CDS2: variants seen among roughly 807,000 people sequenced by gnomAD.
CDS2 encodes phosphatidate cytidylyltransferase 2.
A neutral mutation model predicts 59.0 loss-of-function variants in CDS2; 47 were observed. The observed-to-expected ratio is 0.80, with a 90% CI of 0.63 to 1.02. CDS2 has a LOEUF of 1.02. Ranked by LOEUF, CDS2 falls within the 50% of genes least tolerant of loss-of-function variation. The pLI is 0.00. For synonymous variants in CDS2, 207 were observed against 206.4 expected (o/e 1.00, Z -0.02); for missense variants, 356 against 558.9 (o/e 0.64, Z 3.66).
intron 1 of CDS2, among the ~76,000 whole-genome samples, chr20:5,165,527 C>T (rs560526129): frequency 2.2e-3 from 324 of 149,802 alleles, no homozygotes; most frequent in Non-Finnish European, 3.7e-3. Flanking sequence ...GGAGACTATG[C>T]GGTGTGGGAA....
At chr20:5,144,620 T>C (rs2090724311) in intron 1 of CDS2, among the ~76,000 whole-genome samples, 1 of 152,204 alleles carries the variant, frequency 6.6e-6, no homozygotes, top group Non-Finnish European at 1.5e-5. Flanking sequence ...GTTCTTCCAG[T>C]GTTATTTGAA....
chr20:5,176,455 A>G, intron 3 of CDS2, 193 bp from the exon 4 acceptor site: 1 of 562,284 alleles, frequency 1.8e-6, no homozygotes, highest in South Asian at 2.4e-5. Flanking sequence ...AATTGGATCT[A>G]CTCCCTGTGA....
At chr20:5,164,925 C>T (rs2090902599) in intron 1 of CDS2, among the ~76,000 whole-genome samples, 1 of 152,182 alleles carries the variant, frequency 6.6e-6, no homozygotes, top group South Asian at 2.1e-4. Flanking sequence ...CTTCCTGCAG[C>T]TATTTCATAT....
chr20:5,127,062 C>A lies in CDS2; in HGVS notation c.-31C>A. The A allele has an allele frequency of 6.7e-7, 1 of 1,488,684 alleles. No homozygotes were observed. Among genetic ancestry groups the A allele is most frequent in the East Asian group, 3.0e-5 (1 of 33,188 alleles). 92.2% of individuals were successfully genotyped at this position (1,488,684 alleles called of 1,614,324 possible). ...CCTGCTCCGGCGGCTTCGCTGCTAG[C>A]TCGCGGCGACGTCGGGCCGATTTTC... is the stretch of plus-strand genomic sequence containing the variant. On this transcript the variant is annotated 5_prime_UTR_variant, in exon 1 of 13. Transcript: ENST00000460006.
rs2090839964 is a variant in CDS2 at position 5,157,140 on chromosome 20, G to T, written c.58-16383G>T. On this transcript the variant is annotated intron_variant, in intron 1 of 12. Coordinates refer to ENST00000460006, the MANE Select transcript of CDS2 (RefSeq NM_003818.4). Reference sequence around the variant, plus strand: ...AATGGTGGTACGCAAAGCAAGGATTGGTTGGATGCTACTGAGATGGCTGTG... The same window carrying T: ...AATGGTGGTACGCAAAGCAAGGATTTGTTGGATGCTACTGAGATGGCTGTG... Among the ~76,000 whole-genome samples, 4 of 152,326 alleles carry T rather than the reference G, an allele frequency of 2.6e-5. No homozygotes were observed. The South Asian group carries it at 8.3e-4, about 32-fold the overall frequency.
intron 1 of CDS2, 126 bp downstream of exon 1, chr20:5,127,275 C>A: frequency 1.1e-6 from 1 of 887,978 alleles, no homozygotes; most frequent in Non-Finnish European, 1.5e-6. Context: ...GCCCCGGGCC[C>A]GGGTAGCGCG....
At chr20:5,149,372 A>C (rs1010043159) in intron 1 of CDS2, among the ~76,000 whole-genome samples, 1 of 152,090 alleles carries the variant, frequency 6.6e-6, no homozygotes, top group Non-Finnish European at 1.5e-5. Context: ...TAAGGTTTTT[A>C]AATAGTTGAA....
chr20:5,129,740 C>CG (rs1397713900), intron 1 of CDS2, among the ~76,000 whole-genome samples: 2 of 148,222 alleles, frequency 1.3e-5, no homozygotes, highest in African/African-American at 5.1e-5. Context: ...CTGTACCTGG[C>CG]GTTTTTTTTT....
chr20:5,149,375 T>C (rs1225244615), intron 1 of CDS2, among the ~76,000 whole-genome samples: 1 of 152,236 alleles, frequency 6.6e-6, no homozygotes, highest in African/African-American at 2.4e-5. Flanking sequence ...GGTTTTTAAA[T>C]AGTTGAAGAA....
rs984524709 is a variant in CDS2, at chr20:5,188,932, A to G, written c.982-135A>G. 2.8e-6 allele frequency: 3 copies of G among 1,058,908 alleles called. No individual in the cohort carries two copies. In the African/African-American group the frequency reaches 4.7e-5, roughly 17 times the overall value. The allele number at this position is 1,058,908 out of a possible 1,614,324, so 65.6% of individuals were successfully genotyped here. A position where few individuals can be genotyped will look rare whatever the true frequency, so the allele number is the denominator to read the frequency against. ...CATTCATGAGGGATTTGCCCCTGTG[A>G]CCCAAACACCTCCCACTAGGCATCA... is the stretch of plus-strand genomic sequence containing the variant. On this transcript the variant is annotated intron_variant, in intron 10 of 12. Coordinates refer to ENST00000460006, the MANE Select transcript of CDS2 (RefSeq NM_003818.4).
In CDS2 at chr20:5,191,405, T is replaced by C. The variant is rs895278931; in HGVS notation, c.*1171T>C. The stretch of plus-strand genomic sequence containing the variant: ...GGACCTTTCGTTGTTGTTGTTTGCT[T>C]AAACTGTGATTTTTTTTCCCCTCCC... On this transcript the variant is annotated 3_prime_UTR_variant, in exon 13 of 13. Coordinates refer to ENST00000460006, the MANE Select transcript of CDS2 (RefSeq NM_003818.4). The C allele has an allele frequency of 7.2e-5, 11 of 151,864 alleles. No individual in the cohort carries two copies. The highest frequency in any genetic ancestry group is 5.9e-4 in the Admixed American group (9 of 15,266). The allele number at this position is 151,864 out of a possible 1,614,324, so 9.4% of individuals were successfully genotyped here. A position where few individuals can be genotyped will look rare whatever the true frequency, so the allele number is the denominator to read the frequency against.
Position 5,184,885 on chromosome 20 carries a change from C to G in CDS2, c.699C>G (p.Ile233Met). ...TCATTGTCCCCATATCTTGTGTGAT[C>G]TGTAATGACATCATGGCCTATATGT... is the stretch of plus-strand genomic sequence containing the variant. ...IWFIVPISCV[I>M]CNDIMAYMFG... Residue 233 changes from isoleucine (I) to methionine (M), a missense_variant, in exon 8 of 13, where the codon ATC (isoleucine) becomes ATG (methionine). This residue lies in a region of CDS2 where 87 missense variants were observed against 193.3 expected (regional missense o/e 0.45). Transcript: ENST00000460006. The surrounding 1 kb of genome is among the most constrained non-coding windows in gnomAD (Gnocchi z 4.3). 6.2e-7 allele frequency: 1 copy of G among 1,613,876 alleles called. No homozygotes were observed. The highest frequency in any genetic ancestry group is 1.3e-5 in the African/African-American group (1 of 74,998).
rs1188976995 is a variant in CDS2, at chr20:5,129,477, C to T, written c.57+2328C>T. On this transcript the variant is annotated intron_variant, in intron 1 of 12. Transcript: ENST00000460006. ...TTTTTTTTTGAGAGGGAGTTTCGCT[C>T]TTTTGCCCAGGCTGGAGTGCAATGG... 2.0e-5 allele frequency among the ~76,000 whole-genome samples: 3 copies of T among 149,546 alleles called. No individual in the cohort carries two copies. In the Admixed American group the frequency reaches 2.0e-4, roughly 10 times the overall value.
chr20:5,157,908 T>C (rs932732521), intron 1 of CDS2, among the ~76,000 whole-genome samples: 1 of 152,178 alleles, frequency 6.6e-6, no homozygotes, highest in Non-Finnish European at 1.5e-5. Context: ...CAGGCACTTA[T>C]TTCACTTCTT....
chr20:5,141,501 G>C (rs6053150), intron 1 of CDS2, among the ~76,000 whole-genome samples: 144 of 152,302 alleles, frequency 9.5e-4, no homozygotes, highest in South Asian at 3.3e-3. Flanking sequence ...TTGCACTGGA[G>C]ACTCCGAAGC....
In CDS2 at chr20:5,195,681, A is replaced by G. The variant is rs1486137946; in HGVS notation, c.*5447A>G. On this transcript the variant is annotated 3_prime_UTR_variant, in exon 13 of 13. Coordinates refer to ENST00000460006, the MANE Select transcript of CDS2 (RefSeq NM_003818.4). ...GGGCCAAGAAGAGAAGAATGGGGAC[A>G]ACAGAAACCTGCTTTGTAGGGGATT... 2.6e-5 allele frequency: 4 copies of G among 152,366 alleles called. No homozygotes were observed. Among genetic ancestry groups the G allele is most frequent in the African/African-American group, 9.6e-5 (4 of 41,462 alleles). 9.4% of individuals were successfully genotyped at this position (152,366 alleles called of 1,614,324 possible).
chr20:5,180,301 C>CT (rs76475408), intron 5 of CDS2, among the ~76,000 whole-genome samples: 3,648 of 139,986 alleles, frequency 0.026, 104 homozygotes, highest in African/African-American at 0.077. Context: ...TATTGGCAAA[C>CT]TTTTTTTTTT....
intron 9 of CDS2, among the ~76,000 whole-genome samples, chr20:5,186,037 C>T (rs2091065048): frequency 2.0e-5 from 3 of 152,272 alleles, no homozygotes; most frequent in African/African-American, 7.2e-5. Flanking sequence ...TCTATGCCCT[C>T]TCGCGCCCAG....
At chr20:5,149,495 T>C (rs6053160) in intron 1 of CDS2, among the ~76,000 whole-genome samples, 4,060 of 152,232 alleles carry the variant, frequency 0.027, 72 homozygotes, top group East Asian at 0.081. Flanking sequence ...TTGTTTCTGC[T>C]TGTGATGACA....
Sources: allele counts gnomAD v4.1 joint callset (sites outside exome capture counted in the v4.1 genomes callset), GRCh38; gene constraint gnomAD v4.1.1; regional missense constraint gnomAD v4.1.1; non-coding constraint Gnocchi (gnomAD v3.1); transcripts MANE v1.5; gene names NCBI Gene and HGNC (gene_info 2026-07-23, HGNC 2026-07-21).